The following TPM1 variants were observed in gnomAD, a reference collection of about 807,000 sequenced individuals.
The protein encoded by TPM1 is tropomyosin alpha-1 chain.
Under a neutral mutation model 42.9 loss-of-function variants are expected in TPM1, and 24 were observed. The observed-to-expected ratio is 0.56, with a 90% CI of 0.41 to 0.79. The LOEUF is 0.79. Among genes scored for constraint, TPM1 ranks in the 30% least tolerant of loss-of-function variants. TPM1 has a pLI of 0.00. For missense variants in TPM1, 158 were observed against 351.8 expected, an observed-to-expected ratio of 0.45 and a Z score of 4.41; for synonymous variants, 136 against 130.1, an observed-to-expected ratio of 1.05 and a Z score of -0.31.
At chr15:63,069,847 A>G, downstream of TPM1, 1 of 1,613,922 alleles carries the variant, frequency 6.2e-7, no homozygotes, top group South Asian at 1.1e-5. Flanking sequence ...CTTTTCTGCT[A>G]ACCTGCTTGC....
chr15:63,065,526 G>A, intron 9 of TPM1: 1 of 985,304 alleles, frequency 1.0e-6, no homozygotes, highest in Non-Finnish European at 1.2e-6. Flanking sequence ...ATTTGTAAAT[G>A]AGGGGGTGGA....
chr15:63,063,057 A>C (rs986138996), intron 8 of TPM1: 94 of 983,522 alleles, frequency 9.6e-5, no homozygotes, highest in Admixed American at 6.1e-5. Flanking sequence ...TATGAATTCA[A>C]AGTAAGGATT....
chr15:63,069,410 C>T (rs1433236122), downstream of TPM1, among the ~76,000 whole-genome samples: 1 of 152,114 alleles, frequency 6.6e-6, no homozygotes, highest in African/African-American at 2.4e-5. Flanking sequence ...GAAAGGGGTT[C>T]TGGAAGAGGT....
intron 2 of TPM1, chr15:63,056,737 ATCTG>A (rs893567783): frequency 2.4e-5 from 13 of 531,590 alleles, no homozygotes; most frequent in Non-Finnish European, 3.4e-5. Context: ...TTTGCTAATG[ATCTG>A]TCTGTCTGAT....
At chr15:63,057,297 A>G (rs754917853) in intron 3 of TPM1, among the ~76,000 whole-genome samples, 179 bp downstream of exon 3, 3 of 152,194 alleles carry the variant, frequency 2.0e-5, no homozygotes, top group Non-Finnish European at 4.4e-5. Context: ...TGAAACACCT[A>G]CTATGTCCAA....
At chr15:63,050,372 G>C (rs1208643213) in intron 2 of TPM1, among the ~76,000 whole-genome samples, 1 of 152,220 alleles carries the variant, frequency 6.6e-6, no homozygotes, top group East Asian at 1.9e-4. Flanking sequence ...AGTGGTATCA[G>C]TGGTAGAAGT....
intron 2 of TPM1, among the ~76,000 whole-genome samples, chr15:63,050,009 A>G (rs144772886): frequency 6.6e-6 from 1 of 152,222 alleles, no homozygotes; most frequent in South Asian, 2.1e-4. Flanking sequence ...TCCACTACTT[A>G]CTAGCAGTGG....
intron 1 of TPM1, 133 bp from the exon 2 acceptor site, chr15:63,043,894 C>G (rs1443261712): frequency 1.3e-6 from 2 of 1,551,458 alleles, no homozygotes; most frequent in Non-Finnish European, 1.7e-6. Context: ...TTCTCTCTCT[C>G]CCTCCCTGTC....
chr15:63,067,651 C>G (rs184641029), downstream of TPM1, among the ~76,000 whole-genome samples: 1 of 152,124 alleles, frequency 6.6e-6, no homozygotes, highest in Non-Finnish European at 1.5e-5. Flanking sequence ...CAGGAGTAGC[C>G]CAAGGTATGC....
At chr15:63,070,239 C>A, downstream of TPM1, 1 of 1,175,746 alleles carries the variant, frequency 8.5e-7, no homozygotes, top group Non-Finnish European at 1.1e-6. Context: ...GAGGAGCCCC[C>A]CCAAAAAATG....
chr15:63,063,913 C>T (rs2035974504), intron 8 of TPM1, 151 bp from the exon 9 acceptor site: 1 of 1,077,616 alleles, frequency 9.3e-7, no homozygotes. Flanking sequence ...ACGCCTCCTG[C>T]ATTGGCCACC....
At chr15:63,059,145 A>G (rs549896781) in intron 3 of TPM1, among the ~76,000 whole-genome samples, 29 of 152,338 alleles carry the variant, frequency 1.9e-4, no homozygotes, top group African/African-American at 4.3e-4. Context: ...GTATATAAAG[A>G]TAAGTTTGAT....
At chr15:63,046,852 G>C (rs1385876492) in intron 2 of TPM1, 2 of 152,302 alleles carry the variant, frequency 1.3e-5, no homozygotes, top group African/African-American at 4.8e-5. Flanking sequence ...GAATCCCTGG[G>C]GATGCAACCC....
At chr15:63,062,793 G>C (rs746916388) in intron 8 of TPM1, 148 bp downstream of exon 8, 7 of 1,546,764 alleles carry the variant, frequency 4.5e-6, no homozygotes, top group Non-Finnish European at 6.1e-6. Context: ...TTTTCTCTGT[G>C]GCTCTTGAAC....
Position 63,064,229 on chromosome 15 carries a change from C to G in TPM1, c.851+87C>G, listed in dbSNP as rs1024068352. ...CACCATGCCTTCCTTGCTCCCTAAT[C>G]TCCATCTTTGCACTCTTGTGTTCAC... On this transcript the variant is annotated intron_variant, in intron 9 of 9. Coordinates refer to ENST00000403994, the MANE Select transcript of TPM1 (RefSeq NM_001018005.2). 4 of 1,558,682 alleles carry G rather than the reference C, an allele frequency of 2.6e-6. No homozygotes were observed. In the African/African-American group the frequency reaches 4.1e-5, roughly 16 times the overall value.
At chr15:63,063,922 C>T (rs2035975632) in intron 8 of TPM1, 142 bp from the exon 9 acceptor site, 1 of 1,252,450 alleles carries the variant, frequency 8.0e-7, no homozygotes, top group Admixed American at 2.6e-5. Context: ...GCATTGGCCA[C>T]CTGCTGCGGC....
chr15:63,043,655 C>CT, intron 1 of TPM1: 2 of 1,536,424 alleles, frequency 1.3e-6, no homozygotes, highest in East Asian at 4.9e-5. Context: ...TTGTGTGTGT[C>CT]TAACACCCGG....
chr15:63,053,311 G>A (rs902475210), intron 2 of TPM1, among the ~76,000 whole-genome samples: 3 of 152,178 alleles, frequency 2.0e-5, no homozygotes, highest in Non-Finnish European at 4.4e-5. Flanking sequence ...TGGGGTGGGG[G>A]CCGGAGAACA....
At chr15:63,053,995 A>T (rs77042229) in intron 2 of TPM1, among the ~76,000 whole-genome samples, 2 of 151,908 alleles carry the variant, frequency 1.3e-5, no homozygotes, top group Admixed American at 1.3e-4. Flanking sequence ...TTTTTTTTTA[A>T]TGCTCATCTC....
Sources: gnomAD v4.1 joint callset for allele counts (sites outside exome capture counted in the v4.1 genomes callset) on GRCh38, gnomAD v4.1.1 for gene constraint, MANE v1.5 for transcripts, NCBI Gene and HGNC (gene_info 2026-07-23, HGNC 2026-07-21) for gene names.